DTNB: variants seen among roughly 807,000 people sequenced by gnomAD.
DTNB encodes the protein DTN-B.
Under a neutral mutation model 90.7 loss-of-function variants are expected in DTNB, and 63 were observed. The observed-to-expected ratio is 0.69, with a 90% CI of 0.57 to 0.86. DTNB has a LOEUF of 0.86. DTNB is among the 40% of genes least tolerant of loss of function. The probability of loss-of-function intolerance (pLI) is 0.00; values close to 1 mark genes in which losing one functional copy is unlikely to be tolerated. For synonymous variants in DTNB, 277 were observed against 286.7 expected (o/e 0.97, Z 0.34); for missense variants, 744 against 807.1 (o/e 0.92, Z 0.95).
chr2:25,625,438 T>C (rs2073897061), intron 4 of DTNB, among the ~76,000 whole-genome samples: 2 of 152,080 alleles, frequency 1.3e-5, no homozygotes, highest in Admixed American at 6.6e-5. Context: ...TCAAAGTTAG[T>C]AAAGATGTGA....
At chr2:25,453,242 T>C (rs1410095253) in intron 11 of DTNB, among the ~76,000 whole-genome samples, 1 of 152,230 alleles carries the variant, frequency 6.6e-6, no homozygotes, top group East Asian at 1.9e-4. Flanking sequence ...ATTTGTCATT[T>C]ATACATGAGT....
intron 3 of DTNB, among the ~76,000 whole-genome samples, chr2:25,635,839 C>T (rs2077003120): frequency 6.6e-6 from 1 of 152,160 alleles, no homozygotes; most frequent in East Asian, 1.9e-4. Flanking sequence ...ACTTGCCTTG[C>T]CTGACATCTA....
rs143522982 is a variant in DTNB at position 25,618,072 on chromosome 2, T to G, written c.362+10099A>C. On this transcript the variant is annotated intron_variant, in intron 4 of 20. Coordinates refer to ENST00000406818, the MANE Select transcript of DTNB (RefSeq NM_021907.5). ...AGCTCTTTTCTCTCAATTGTTTGCT[T>G]TGCAGGCCAAACATCAGCAGTGACT... Among the ~76,000 whole-genome samples, 131 of 152,312 alleles carry G rather than the reference T, an allele frequency of 8.6e-4. 1 individual carries two copies. The highest frequency in any genetic ancestry group is 3.0e-3 in the African/African-American group (123 of 41,562).
intron 2 of DTNB, among the ~76,000 whole-genome samples, chr2:25,641,162 C>T (rs2078222935): frequency 6.6e-6 from 1 of 152,090 alleles, no homozygotes; most frequent in Non-Finnish European, 1.5e-5. Context: ...CACCATAAAG[C>T]CCAGTGGAAA....
At chr2:25,663,545 C>T (rs1377448189) in intron 1 of DTNB, among the ~76,000 whole-genome samples, 1 of 152,124 alleles carries the variant, frequency 6.6e-6, no homozygotes, top group Admixed American at 6.5e-5. Flanking sequence ...TGTACTATTT[C>T]TTTATAACAT....
chr2:25,549,202 T>C (rs1298863931), intron 8 of DTNB, among the ~76,000 whole-genome samples: 2 of 151,900 alleles, frequency 1.3e-5, no homozygotes. Flanking sequence ...TTTTGATTAC[T>C]GATATATATA....
intron 9 of DTNB, among the ~76,000 whole-genome samples, chr2:25,526,468 T>C (rs1473264200): frequency 2.0e-5 from 3 of 148,412 alleles, no homozygotes; most frequent in Non-Finnish European, 3.0e-5. Flanking sequence ...CGATCTCAGC[T>C]CACTGCAACC....
intron 8 of DTNB, among the ~76,000 whole-genome samples, chr2:25,559,762 T>A (rs2057967332): frequency 6.6e-6 from 1 of 152,164 alleles, no homozygotes; most frequent in African/African-American, 2.4e-5. Flanking sequence ...TACCCTGGAT[T>A]ACCTGGTTGG....
Position 25,388,883 on chromosome 2 carries a change from TG to T in DTNB, c.1576-523del, listed in dbSNP as rs1298645256. ...CTTTTTTGGAGACAGAGTCTTGCTT[TG>T]TTGCCCAGGTGGAGTGCAGTGGCAC... is the stretch of plus-strand genomic sequence containing the variant. On this transcript the variant is annotated intron_variant, in intron 16 of 20. Transcript: ENST00000406818. Among the ~76,000 whole-genome samples the T allele has an allele frequency of 1.3e-4, 20 of 152,096 alleles. No individual in the cohort carries two copies. In the East Asian group the frequency reaches 3.5e-3, roughly 26 times the overall value.
At chr2:25,525,678 A>G (rs2076958057) in intron 9 of DTNB, among the ~76,000 whole-genome samples, 1 of 152,112 alleles carries the variant, frequency 6.6e-6, no homozygotes, top group African/African-American at 2.4e-5. Context: ...TATATAGAAT[A>G]AAATAAGAAT....
At chr2:25,473,935 T>C (rs1019549760) in intron 10 of DTNB, among the ~76,000 whole-genome samples, 1 of 152,230 alleles carries the variant, frequency 6.6e-6, no homozygotes, top group Non-Finnish European at 1.5e-5. Flanking sequence ...GCTCTGCCGA[T>C]GGTCTATGAC....
At chr2:25,653,492 T>C (rs2081399483) in intron 1 of DTNB, among the ~76,000 whole-genome samples, 1 of 127,186 alleles carries the variant, frequency 7.9e-6, no homozygotes, top group Non-Finnish European at 1.6e-5. Flanking sequence ...TCTTTCTTTC[T>C]TTCTTTCTTT....
chr2:25,420,784 G>A (rs1158530224), intron 15 of DTNB, among the ~76,000 whole-genome samples: 2 of 152,156 alleles, frequency 1.3e-5, no homozygotes, highest in African/African-American at 2.4e-5. Flanking sequence ...CACCTGGCCG[G>A]TCTCTGTCTT....
At chr2:25,480,802 C>A (rs182634683) in intron 10 of DTNB, among the ~76,000 whole-genome samples, 1 of 152,120 alleles carries the variant, frequency 6.6e-6, no homozygotes, top group South Asian at 2.1e-4. Context: ...GGTTTTGAAA[C>A]GGAAACATCT....
chr2:25,464,433 A>T (rs2061464680), intron 10 of DTNB, among the ~76,000 whole-genome samples: 1 of 152,394 alleles, frequency 6.6e-6, no homozygotes, highest in African/African-American at 2.4e-5. Flanking sequence ...TGAGCAACAA[A>T]ATAAATAATG....
At chr2:25,443,022 T>C (rs1036462791) in intron 12 of DTNB, among the ~76,000 whole-genome samples, 2 of 152,208 alleles carry the variant, frequency 1.3e-5, no homozygotes, top group Admixed American at 6.5e-5. Flanking sequence ...ACTTCTCAAA[T>C]GCCACAAACA....
intron 1 of DTNB, among the ~76,000 whole-genome samples, chr2:25,669,789 C>G (rs9789601): frequency 0.16 from 24,549 of 151,838 alleles, 2,577 homozygotes; most frequent in East Asian, 0.58. Flanking sequence ...GACTGCATCT[C>G]TACAAAAAAT....
At chr2:25,575,619 TG>T (rs1477118355) in intron 8 of DTNB, among the ~76,000 whole-genome samples, 17 of 152,328 alleles carry the variant, frequency 1.1e-4, no homozygotes, top group Non-Finnish European at 1.5e-4. Flanking sequence ...CTTTAATTCC[TG>T]AAGTGAGTTT....
intron 2 of DTNB, among the ~76,000 whole-genome samples, chr2:25,645,311 T>C (rs1401355610): frequency 6.7e-6 from 1 of 149,018 alleles, no homozygotes; most frequent in South Asian, 2.1e-4. Context: ...TGAGCTGAGA[T>C]TGAGCCATTG....
Sources: gnomAD v4.1 joint callset for allele counts (sites outside exome capture counted in the v4.1 genomes callset) on GRCh38, gnomAD v4.1.1 for gene constraint, MANE v1.5 for transcripts, NCBI Gene and HGNC (gene_info 2026-07-23, HGNC 2026-07-21) for gene names.